The following PTPRT variants were observed in gnomAD, a reference collection of about 807,000 sequenced individuals.
PTPRT encodes the protein receptor-type tyrosine-protein phosphatase T.
A neutral mutation model predicts 176.8 loss-of-function variants in PTPRT; 56 were observed. The observed-to-expected ratio is 0.32, with a 90% CI of 0.26 to 0.40. PTPRT has a LOEUF of 0.40. Ranked by LOEUF, PTPRT falls within the 10% of genes least tolerant of loss-of-function variation. The probability of loss-of-function intolerance (pLI) is 1.00; values close to 1 mark genes in which losing one functional copy is unlikely to be tolerated. For missense variants in PTPRT, 1,540 were observed against 1,908.2 expected (o/e 0.81, Z 3.60); for synonymous variants, 783 against 739.0 (o/e 1.06, Z -0.96).
intron 6 of PTPRT, among the ~76,000 whole-genome samples, chr20:42,729,519 A>G (rs73269846): frequency 0.059 from 9,056 of 152,326 alleles, 314 homozygotes; most frequent in Non-Finnish European, 0.077. Flanking sequence ...AAGGACAGAA[A>G]GATGCCTACA....
intron 9 of PTPRT, among the ~76,000 whole-genome samples, chr20:42,402,071 C>T (rs1354464474): frequency 3.9e-5 from 6 of 152,100 alleles, no homozygotes; most frequent in Non-Finnish European, 8.8e-5. Flanking sequence ...TACAATGGCA[C>T]ATTCTGCCAG....
At chr20:42,938,732 T>C (rs553805185) in intron 1 of PTPRT, among the ~76,000 whole-genome samples, 2 of 152,322 alleles carry the variant, frequency 1.3e-5, no homozygotes, top group East Asian at 3.9e-4. Context: ...TAAGGAGTTA[T>C]GCATGTTTTT....
intron 2 of PTPRT, among the ~76,000 whole-genome samples, chr20:42,866,452 C>A (rs1463205321): frequency 6.6e-6 from 1 of 152,214 alleles, no homozygotes; most frequent in Middle Eastern, 3.4e-3. Flanking sequence ...ACCCCCTTTT[C>A]CTCCTCCCCA....
intron 2 of PTPRT, among the ~76,000 whole-genome samples, chr20:42,833,085 G>A (rs778813088): frequency 7.9e-5 from 12 of 151,796 alleles, no homozygotes; most frequent in South Asian, 2.1e-4. Flanking sequence ...GTGAGACCCC[G>A]TGCCAAAGAA....
chr20:42,034,642 G>C, the PTPRT span, among the ~76,000 whole-genome samples: 1 of 152,040 alleles, frequency 6.6e-6, no homozygotes, highest in Non-Finnish European at 1.5e-5. Flanking sequence ...CACCTTCCTG[G>C]GGGTTAAGCA....
intron 7 of PTPRT, among the ~76,000 whole-genome samples, chr20:42,665,879 T>G (rs1250696963): frequency 7.5e-6 from 1 of 133,768 alleles, no homozygotes; most frequent in Non-Finnish European, 1.5e-5. Flanking sequence ...CACTCATAGG[T>G]GGGAATTGAA....
chr20:42,128,909 T>C, intron 18 of PTPRT, 79 bp from the exon 19 acceptor site: 1 of 1,182,220 alleles, frequency 8.5e-7, no homozygotes, highest in Non-Finnish European at 1.2e-6. Flanking sequence ...AACTACTGTT[T>C]ATTAATGACT....
At chr20:42,841,007 C>T (rs1373180072) in intron 2 of PTPRT, among the ~76,000 whole-genome samples, 2 of 152,172 alleles carry the variant, frequency 1.3e-5, no homozygotes, top group Non-Finnish European at 2.9e-5. Flanking sequence ...GAGTCTTCAA[C>T]ACCAGGCTCC....
At chr20:43,012,377 CAA>C (rs1985173053) in intron 1 of PTPRT, among the ~76,000 whole-genome samples, 2 of 151,984 alleles carry the variant, frequency 1.3e-5, no homozygotes, top group African/African-American at 4.8e-5. Flanking sequence ...CTAGAGTAGT[CAA>C]ATTTACAGAG....
chr20:42,411,163 C>T (rs527549757), intron 9 of PTPRT, among the ~76,000 whole-genome samples: 33 of 152,104 alleles, frequency 2.2e-4, no homozygotes, highest in African/African-American at 3.6e-4. Context: ...AAAAGATGAA[C>T]GCCAGGCATG....
At chr20:42,990,570 A>G (rs1264013664) in intron 1 of PTPRT, among the ~76,000 whole-genome samples, 1 of 152,176 alleles carries the variant, frequency 6.6e-6, no homozygotes, top group East Asian at 1.9e-4. Context: ...TTACCTCTGT[A>G]TCTCTCACTG....
At chr20:42,946,807 C>A (rs934967970) in intron 1 of PTPRT, among the ~76,000 whole-genome samples, 1 of 152,188 alleles carries the variant, frequency 6.6e-6, no homozygotes, top group Non-Finnish European at 1.5e-5. Context: ...ACTTCAATCA[C>A]CGCACTGTTG....
At position 42,089,657 on chromosome 20, in the gene PTPRT, C is replaced by T. The variant is rs1279348238; in HGVS notation, c.3847-3804G>A. ...TTTTCTAATCCTAAATCAGAGTCAT[C>T]CTTTCACTTGGATGCCCTAATTTGT... On this transcript the variant is annotated intron_variant, in intron 27 of 30. Coordinates refer to ENST00000373187, the MANE Select transcript of PTPRT (RefSeq NM_007050.6). Among the ~76,000 whole-genome samples the T allele has an allele frequency of 3.9e-5, 6 of 152,040 alleles. No individual in the cohort carries two copies. The East Asian group carries it at 5.9e-4, about 15-fold the overall frequency.
intron 7 of PTPRT, among the ~76,000 whole-genome samples, chr20:42,620,902 T>C (rs917779258): frequency 9.9e-5 from 15 of 152,200 alleles, no homozygotes; most frequent in Admixed American, 2.0e-4. Context: ...ACCCGTCTTC[T>C]GCATCGCTCA....
intron 27 of PTPRT, among the ~76,000 whole-genome samples, chr20:42,089,107 TGTGA>T (rs1416504588): frequency 2.0e-5 from 3 of 149,776 alleles, no homozygotes; most frequent in Non-Finnish European, 4.4e-5. Context: ...TCTGAGTGTG[TGTGA>T]GTGTGTGTGT....
intron 3 of PTPRT, among the ~76,000 whole-genome samples, chr20:42,786,462 C>T (rs1371826702): frequency 6.6e-6 from 1 of 152,128 alleles, no homozygotes; most frequent in Non-Finnish European, 1.5e-5. Context: ...AGCCAGAGGA[C>T]CTGGGATGGA....
chr20:43,093,979 C>T (rs552971623), intron 1 of PTPRT, among the ~76,000 whole-genome samples: 49 of 152,284 alleles, frequency 3.2e-4, no homozygotes, highest in African/African-American at 1.2e-3. Flanking sequence ...TCCCCAAAGG[C>T]CACCATTAAA....
chr20:42,356,976 C>A (rs1053697037), intron 9 of PTPRT, among the ~76,000 whole-genome samples: 11 of 152,232 alleles, frequency 7.2e-5, no homozygotes, highest in African/African-American at 2.6e-4. Flanking sequence ...TCACCCTTAG[C>A]GGACCTCACT....
chr20:42,033,552 G>T, the PTPRT span, among the ~76,000 whole-genome samples: 2 of 152,072 alleles, frequency 1.3e-5, no homozygotes, highest in Non-Finnish European at 2.9e-5. Flanking sequence ...GCCTGTAAAA[G>T]GCTCCTACCC....
Sources: allele counts gnomAD v4.1 joint callset (sites outside exome capture counted in the v4.1 genomes callset), GRCh38; gene constraint gnomAD v4.1.1; transcripts MANE v1.5; gene names NCBI Gene and HGNC (gene_info 2026-07-23, HGNC 2026-07-21).